MSI2: variants seen among roughly 807,000 people sequenced by gnomAD.
MSI2 encodes the protein musashi RNA binding protein 2.
Under a neutral mutation model 45.6 loss-of-function variants are expected in MSI2, and 17 were observed. The ratio of observed to expected loss-of-function variants is 0.37; its 90% CI spans 0.26 to 0.56. The LOEUF (loss-of-function observed/expected upper bound fraction) is 0.56, where lower values mean the gene tolerates loss of function less well. Among genes scored for constraint, MSI2 ranks in the 20% least tolerant of loss-of-function variants. The pLI is 0.77. For missense variants in MSI2, 293 were observed against 444.2 expected (o/e 0.66, Z 3.06); for synonymous variants, 156 against 158.2 (o/e 0.99, Z 0.11).
chr17:57,440,107 C>T (rs958801036), intron 6 of MSI2, among the ~76,000 whole-genome samples: 22 of 152,112 alleles, frequency 1.4e-4, no homozygotes, highest in African/African-American at 5.1e-4. Context: ...GACCTAGAAG[C>T]CATGCAAGGC....
chr17:57,668,986 C>T (rs1163193113), intron 11 of MSI2, among the ~76,000 whole-genome samples: 1 of 152,222 alleles, frequency 6.6e-6, no homozygotes, highest in Non-Finnish European at 1.5e-5. Context: ...CTCCTACCTC[C>T]AGGCTAAGCT....
intron 7 of MSI2, among the ~76,000 whole-genome samples, chr17:57,581,572 T>G (rs889774155): frequency 1.3e-5 from 2 of 152,150 alleles, no homozygotes; most frequent in African/African-American, 4.8e-5. Flanking sequence ...AACAATTTTC[T>G]TTAGGAAAAA....
At chr17:57,269,554 G>GTA (rs1908155801) in intron 5 of MSI2, among the ~76,000 whole-genome samples, 1 of 152,140 alleles carries the variant, frequency 6.6e-6, no homozygotes, top group Non-Finnish European at 1.5e-5. Context: ...CTCTACCTTT[G>GTA]GGGTGTGTGG....
intron 5 of MSI2, among the ~76,000 whole-genome samples, chr17:57,274,089 G>C (rs1272364998): frequency 6.6e-6 from 1 of 152,176 alleles, no homozygotes; most frequent in African/African-American, 2.4e-5. Flanking sequence ...GTTCACAATA[G>C]AGAAATCATG....
At chr17:57,598,299 T>C (rs773296117) in intron 8 of MSI2, among the ~76,000 whole-genome samples, 7 of 152,246 alleles carry the variant, frequency 4.6e-5, no homozygotes, top group Non-Finnish European at 7.3e-5. Context: ...ACATGCATTG[T>C]ATATTGGTCT....
intron 7 of MSI2, among the ~76,000 whole-genome samples, chr17:57,541,369 A>G (rs1032899082): frequency 2.6e-5 from 4 of 152,168 alleles, no homozygotes; most frequent in Non-Finnish European, 5.9e-5. Context: ...GAAATAATCC[A>G]GAAAAAGAAC....
In MSI2 at chr17:57,371,571, A is replaced by G. The variant is rs764511077; in HGVS notation, c.313-29808A>G. ...GGTATACACACACACACACACACACAAATCATTGGCTAACCTGCCTTTATA... is the reference window on the plus strand; with the variant it reads ...GGTATACACACACACACACACACACGAATCATTGGCTAACCTGCCTTTATA... On this transcript the variant is annotated intron_variant, in intron 5 of 13. Coordinates refer to ENST00000284073, the MANE Select transcript of MSI2 (RefSeq NM_138962.4). Among the ~76,000 whole-genome samples the G allele has an allele frequency of 4.2e-3, 594 of 142,942 alleles. 4 individuals are homozygous for G. The highest frequency in any genetic ancestry group is 0.019 in the Middle Eastern group (5 of 264). 93.8% of individuals were successfully genotyped at this position (142,942 alleles called of 152,430 possible). A position where few individuals can be genotyped will look rare whatever the true frequency, so the allele number is the denominator to read the frequency against.
chr17:57,402,577 G>A (rs191748829), intron 6 of MSI2, among the ~76,000 whole-genome samples: 1 of 152,320 alleles, frequency 6.6e-6, no homozygotes, highest in Admixed American at 6.5e-5. Flanking sequence ...CTGTTGGTTT[G>A]CCCAGGGTGA....
chr17:57,469,447 A>G (rs2085391527), intron 6 of MSI2, among the ~76,000 whole-genome samples: 1 of 152,198 alleles, frequency 6.6e-6, no homozygotes, highest in Non-Finnish European at 1.5e-5. Flanking sequence ...TTTCCATTAC[A>G]CTTAGACACA....
chr17:57,494,828 A>C (rs888114), intron 6 of MSI2, among the ~76,000 whole-genome samples: 108,182 of 151,940 alleles, frequency 0.71, 38,858 homozygotes, highest in Non-Finnish European at 0.75. Flanking sequence ...CATGCTGGAC[A>C]CCAGGGATAA....
intron 7 of MSI2, among the ~76,000 whole-genome samples, chr17:57,551,972 C>T (rs2087317032): frequency 6.6e-6 from 1 of 152,212 alleles, no homozygotes. Context: ...CCCAGCTTCC[C>T]TGGATCCCTC....
At chr17:57,386,951 A>G (rs2083697452) in intron 5 of MSI2, among the ~76,000 whole-genome samples, 1 of 152,238 alleles carries the variant, frequency 6.6e-6, no homozygotes, top group Non-Finnish European at 1.5e-5. Flanking sequence ...ACTTCCCCTT[A>G]GAAGACCCTG....
At chr17:57,643,400 G>A (rs374429262) in intron 10 of MSI2, among the ~76,000 whole-genome samples, 1 of 152,250 alleles carries the variant, frequency 6.6e-6, no homozygotes, top group African/African-American at 2.4e-5. Context: ...ATCCAGTGTT[G>A]CGAAGGGCCC....
At chr17:57,590,814 G>T (rs1904760256) in intron 7 of MSI2, among the ~76,000 whole-genome samples, 3 of 152,140 alleles carry the variant, frequency 2.0e-5, no homozygotes, top group African/African-American at 7.2e-5. Context: ...GTCTCTTGTT[G>T]CCCAAGTTCT....
chr17:57,684,155 G>T lies in MSI2; in HGVS notation c.*4638G>T. 1 of 217,104 alleles carries T rather than the reference G, an allele frequency of 4.6e-6. No homozygotes were observed. Among genetic ancestry groups the T allele is most frequent in the East Asian group, 6.7e-5 (1 of 14,966 alleles). The allele number at this position is 217,104 out of a possible 1,614,324, so 13.4% of individuals were successfully genotyped here. A position where few individuals can be genotyped will look rare whatever the true frequency, so the allele number is the denominator to read the frequency against. ...AGACAAAAGTTCCAGAGCCTCCCTC[G>T]AAGGTTCTCTACTACTGTATTCTGT... On this transcript the variant is annotated 3_prime_UTR_variant, in exon 14 of 14. Transcript: ENST00000284073.
intron 10 of MSI2, chr17:57,631,827 A>G (rs1174064358): frequency 1.2e-6 from 2 of 1,613,680 alleles, no homozygotes; most frequent in Admixed American, 1.7e-5. Context: ...ATTTTTATCA[A>G]CTAGCTCTTA....
In MSI2 at chr17:57,523,767, C is replaced by G. The variant is rs77583673; in HGVS notation, c.406-5909C>G. Among the ~76,000 whole-genome samples, 842 of 152,292 alleles carry G rather than the reference C, an allele frequency of 5.5e-3. 7 individuals are homozygous for G. The highest frequency in any genetic ancestry group is 0.019 in the African/African-American group (791 of 41,550). On this transcript the variant is annotated intron_variant, in intron 6 of 13. Transcript: ENST00000284073. ...GAATGTGGAACCTGATAGTTTAATT[C>G]TCTGCCACATTTAGCACTTTCCCTT...
At chr17:57,285,967 T>C (rs373021707) in intron 5 of MSI2, 9 of 1,534,636 alleles carry the variant, frequency 5.9e-6, no homozygotes, top group Non-Finnish European at 8.7e-7. Flanking sequence ...ATGGATGGAG[T>C]GGGAGTGGAG....
chr17:57,559,871 G>A (rs1314091707), intron 7 of MSI2, among the ~76,000 whole-genome samples: 2 of 152,268 alleles, frequency 1.3e-5, no homozygotes, highest in Non-Finnish European at 2.9e-5. Flanking sequence ...CCCCTGCAGA[G>A]GCAGGGCTTC....
Sources: allele counts gnomAD v4.1 joint callset (sites outside exome capture counted in the v4.1 genomes callset), GRCh38; gene constraint gnomAD v4.1.1; transcripts MANE v1.5; gene names NCBI Gene and HGNC (gene_info 2026-07-23, HGNC 2026-07-21).